The following FAM222A variants were observed in gnomAD, a reference collection of about 807,000 sequenced individuals.
FAM222A encodes the protein protein FAM222A.
FAM222A carries 7 observed loss-of-function variants against 25.8 expected under a neutral mutation model. The ratio of observed to expected loss-of-function variants is 0.27; its 90% CI spans 0.15 to 0.51. The LOEUF is 0.51. Among genes scored for constraint, FAM222A ranks in the 20% least tolerant of loss-of-function variants. The pLI is 0.97. For missense variants in FAM222A, 573 were observed against 640.5 expected (o/e 0.89, Z 1.14); for synonymous variants, 294 against 298.8 (o/e 0.98, Z 0.17).
intron 1 of FAM222A, among the ~76,000 whole-genome samples, chr12:109,721,385 G>T (rs874114): frequency 2.1e-3 from 311 of 150,218 alleles, no homozygotes; most frequent in African/African-American, 7.0e-3. Flanking sequence ...ACTCAGCCGC[G>T]TCCTTCATAA....
chr12:109,737,869 G>A (rs1235923077), intron 1 of FAM222A, among the ~76,000 whole-genome samples: 1 of 152,164 alleles, frequency 6.6e-6, no homozygotes, highest in Admixed American at 6.5e-5. Context: ...GGGTCCCTTG[G>A]AAGGCCTCCG....
At position 109,770,454 on chromosome 12, in the gene FAM222A, ATTG is replaced by A. The variant is rs1889213351; in HGVS notation, c.*1169_*1171del. On this transcript the variant is annotated 3_prime_UTR_variant, in exon 3 of 3. Coordinates refer to ENST00000538780, the MANE Select transcript of FAM222A (RefSeq NM_032829.3). ...CTGTGAGAAGTGCAGTCTGCACTAT[ATTG>A]TTTTAAAAACGAAGAGAAAGAAGAA... 6.6e-6 allele frequency: 1 copy of A among 152,668 alleles called. No individual in the cohort carries two copies. Among genetic ancestry groups the A allele is most frequent in the Admixed American group, 6.5e-5 (1 of 15,308 alleles). The allele number at this position is 152,668 out of a possible 1,614,324, so 9.5% of individuals were successfully genotyped here.
intron 1 of FAM222A, chr12:109,734,580 C>T (rs888233656): frequency 6.7e-6 from 1 of 149,802 alleles, no homozygotes; most frequent in African/African-American, 2.5e-5. Context: ...GGTTGAAATC[C>T]CTTTTGAAAA....
rs957941505 is a variant in FAM222A, at chr12:109,714,051, C to G, written c.-893C>G. On this transcript the variant is annotated 5_prime_UTR_variant, in exon 1 of 3. Coordinates refer to ENST00000538780, the MANE Select transcript of FAM222A (RefSeq NM_032829.3). This position sits in a 1 kb window ranked among gnomAD's most constrained non-coding sequence, Gnocchi z 4.2. ...CCCGGGGCCATGGGCGCGTGAGAGCCCAGCGCGCGCGGCCCCTGCTGCGGC... is the reference window on the plus strand; with the variant it reads ...CCCGGGGCCATGGGCGCGTGAGAGCGCAGCGCGCGCGGCCCCTGCTGCGGC... Among the ~76,000 whole-genome samples, 1 of 150,070 alleles carries G rather than the reference C, an allele frequency of 6.7e-6. No individual in the cohort carries two copies. The highest frequency in any genetic ancestry group is 2.4e-5 in the African/African-American group (1 of 41,050).
rs192833974 is a variant in FAM222A at position 109,753,563 on chromosome 12, G to T, written c.82+9335G>T. 3.4e-3 allele frequency among the ~76,000 whole-genome samples: 514 copies of T among 152,150 alleles called. 1 individual carries two copies. Among genetic ancestry groups the T allele is most frequent in the Non-Finnish European group, 4.6e-3 (311 of 68,002 alleles). On this transcript the variant is annotated intron_variant, in intron 2 of 2. Transcript: ENST00000538780. ...ACCTCACCTGCCCCCCCATCCCGGG[G>T]GGGGGAGCCTCTCCCACAATATCCA...
At chr12:109,719,971 G>T (rs935049433) in intron 1 of FAM222A, 2 of 460,484 alleles carry the variant, frequency 4.3e-6, no homozygotes, top group Non-Finnish European at 5.7e-6. Context: ...TGTCCTCAGA[G>T]AAATTATTTT....
At chr12:109,748,854 CATTA>C (rs1888479104) in intron 2 of FAM222A, among the ~76,000 whole-genome samples, 1 of 152,074 alleles carries the variant, frequency 6.6e-6, no homozygotes, top group South Asian at 2.1e-4. Flanking sequence ...GTTTCTAACT[CATTA>C]ATTTGTGCTT....
intron 1 of FAM222A, among the ~76,000 whole-genome samples, chr12:109,722,984 C>T (rs1359712062): frequency 7.5e-6 from 1 of 133,350 alleles, no homozygotes; most frequent in Non-Finnish European, 1.5e-5. Flanking sequence ...TTTTCTTTCC[C>T]AGCTTGGAGG....
intron 1 of FAM222A, chr12:109,734,480 C>T (rs1287368998): frequency 1.3e-5 from 2 of 152,002 alleles, no homozygotes; most frequent in African/African-American, 4.8e-5. Flanking sequence ...CTGTCTCTCC[C>T]GGCACCCGTC....
chr12:109,733,766 A>G (rs538154928), intron 1 of FAM222A, among the ~76,000 whole-genome samples: 54 of 152,280 alleles, frequency 3.5e-4, no homozygotes, highest in Admixed American at 2.2e-3. Flanking sequence ...AGGCAAAACC[A>G]TAAGTGCAAA....
intron 1 of FAM222A, among the ~76,000 whole-genome samples, chr12:109,731,975 C>A (rs1323628590): frequency 2.6e-5 from 4 of 152,164 alleles, no homozygotes; most frequent in Non-Finnish European, 2.9e-5. Flanking sequence ...GGCCTGAGGC[C>A]CAGCCTTCTC....
chr12:109,744,287 ACCC>A (rs948057917), intron 2 of FAM222A, 59 bp downstream of exon 2: 1 of 1,547,604 alleles, frequency 6.5e-7, no homozygotes, highest in Non-Finnish European at 8.7e-7. Flanking sequence ...AACGCCATTC[ACCC>A]CCCAGGATGT....
chr12:109,721,006 A>T (rs1887735950), intron 1 of FAM222A, among the ~76,000 whole-genome samples: 1 of 152,170 alleles, frequency 6.6e-6, no homozygotes, highest in Non-Finnish European at 1.5e-5. Flanking sequence ...CTTGTAATTG[A>T]ATACTTTTGC....
In FAM222A at chr12:109,769,474, C is replaced by A; in HGVS notation, c.*186C>A. 1 of 685,772 alleles carries A rather than the reference C, an allele frequency of 1.5e-6. No individual in the cohort carries two copies. The highest frequency in any genetic ancestry group is 2.4e-6 in the Non-Finnish European group (1 of 416,684). The allele number at this position is 685,772 out of a possible 1,614,324, so 42.5% of individuals were successfully genotyped here. On this transcript the variant is annotated 3_prime_UTR_variant, in exon 3 of 3. Transcript: ENST00000538780. ...AGGGTGGCAGGGCAACCTCACATAC[C>A]AAGGCCCCTCCCCACCATCGGTTGC...
Position 109,769,444 on chromosome 12 carries a change from GATGGAGGGTGGCAGGGCAACCTC to G in FAM222A, c.*158_*180del, listed in dbSNP as rs1889179867. 3 of 969,732 alleles carry G rather than the reference GATGGAGGGTGGCAGGGCAACCTC, an allele frequency of 3.1e-6. No individual in the cohort carries two copies. Among genetic ancestry groups the G allele is most frequent in the Non-Finnish European group, 4.4e-6 (3 of 674,600 alleles). The allele number at this position is 969,732 out of a possible 1,614,324, so 60.1% of individuals were successfully genotyped here. On this transcript the variant is annotated 3_prime_UTR_variant, in exon 3 of 3. Coordinates refer to ENST00000538780, the MANE Select transcript of FAM222A (RefSeq NM_032829.3). ...GCTGGCTGCCGCCTCGCTGTGGCCG[GATGGAGGGTGGCAGGGCAACCTC>G]ACATACCAAGGCCCCTCCCCACCAT...
chr12:109,717,319 C>T (rs1887663667), intron 1 of FAM222A, among the ~76,000 whole-genome samples: 1 of 152,254 alleles, frequency 6.6e-6, no homozygotes, highest in Admixed American at 6.5e-5. Context: ...TTGAAACTCG[C>T]TCCTTGTCAC....
chr12:109,749,252 A>G (rs1048226033), intron 2 of FAM222A, among the ~76,000 whole-genome samples: 2 of 152,068 alleles, frequency 1.3e-5, no homozygotes, highest in African/African-American at 4.8e-5. Context: ...GATTACAGGC[A>G]TGCACCACCA....
intron 1 of FAM222A, among the ~76,000 whole-genome samples, chr12:109,717,042 T>G (rs1213269189): frequency 1.3e-5 from 2 of 152,202 alleles, no homozygotes; most frequent in Non-Finnish European, 2.9e-5. Context: ...TCCTTGTGTC[T>G]TACCACCTCC....
chr12:109,741,449 C>T (rs1888237634), intron 1 of FAM222A, among the ~76,000 whole-genome samples: 1 of 152,168 alleles, frequency 6.6e-6, no homozygotes, highest in Non-Finnish European at 1.5e-5. Flanking sequence ...CTGGCATCCA[C>T]CATAAGAGCA....
Sources: gnomAD v4.1 joint callset for allele counts (sites outside exome capture counted in the v4.1 genomes callset) on GRCh38, gnomAD v4.1.1 for gene constraint, Gnocchi (gnomAD v3.1) non-coding constraint, MANE v1.5 for transcripts, NCBI Gene and HGNC (gene_info 2026-07-23, HGNC 2026-07-21) for gene names.